Variants in RELL1 observed in about 807,000 individuals in gnomAD.
RELL1 encodes RELT like 1.
Under a neutral mutation model 23.0 loss-of-function variants are expected in RELL1, and 10 were observed. The observed-to-expected ratio is 0.43, with a 90% CI of 0.27 to 0.74. The LOEUF (loss-of-function observed/expected upper bound fraction) is 0.74, where lower values mean the gene tolerates loss of function less well. Among genes scored for constraint, RELL1 ranks in the 30% least tolerant of loss-of-function variants. The probability of loss-of-function intolerance (pLI) is 0.19; values close to 1 mark genes in which losing one functional copy is unlikely to be tolerated. For missense variants in RELL1, 315 were observed against 364.4 expected (o/e 0.86, Z 1.10); for synonymous variants, 146 against 146.8 (o/e 0.99, Z 0.04).
intron 5 of RELL1, among the ~76,000 whole-genome samples, chr4:37,631,880 G>A (rs1316824770): frequency 6.6e-6 from 1 of 151,910 alleles, no homozygotes. Context: ...AGGAATTTGA[G>A]ACCAGACTGG....
chr4:37,659,382 A>G (rs1020588892), intron 1 of RELL1, among the ~76,000 whole-genome samples: 2 of 152,230 alleles, frequency 1.3e-5, no homozygotes, highest in African/African-American at 4.8e-5. Context: ...CTAAAAAGTC[A>G]AAAGCAATTT....
downstream of RELL1, chr4:37,588,921 T>A (rs981926392): frequency 1.6e-5 from 26 of 1,595,888 alleles, no homozygotes; most frequent in Non-Finnish European, 1.8e-5. Flanking sequence ...GAAATACTAC[T>A]TCTAAATGGA....
At chr4:37,603,721 T>C (rs1034779555) in intron 6 of RELL1, among the ~76,000 whole-genome samples, 1 of 152,124 alleles carries the variant, frequency 6.6e-6, no homozygotes, top group Non-Finnish European at 1.5e-5. Flanking sequence ...TGGTGGAGAC[T>C]ATATTTCCTG....
rs75522699 is a variant in RELL1 at position 37,623,137 on chromosome 4, A to C, written c.*3+8248T>G. On this transcript the variant is annotated intron_variant, in intron 6 of 6. Coordinates refer to ENST00000454158, the MANE Select transcript of RELL1 (RefSeq NM_001085400.2). ...TTTTTAAAGATATAATTGTACCTCC[A>C]TTGATCTGAACTAGCAATCACAGCT... is the stretch of plus-strand genomic sequence containing the variant. 1,244 of 307,918 alleles carry C rather than the reference A, an allele frequency of 4.0e-3. 14 individuals are homozygous for C. Among genetic ancestry groups the C allele is most frequent in the African/African-American group, 0.026 (1,134 of 44,266 alleles). 19.1% of individuals were successfully genotyped at this position (307,918 alleles called of 1,614,324 possible).
intron 6 of RELL1, among the ~76,000 whole-genome samples, chr4:37,615,908 G>A (rs370895587): frequency 2.6e-5 from 4 of 151,950 alleles, no homozygotes; most frequent in Non-Finnish European, 4.4e-5. Flanking sequence ...ATGGGTCCAC[G>A]GAAGCTGCCA....
At chr4:37,598,042 A>G (rs549130456) in intron 6 of RELL1, among the ~76,000 whole-genome samples, 1 of 142,522 alleles carries the variant, frequency 7.0e-6, no homozygotes, top group Non-Finnish European at 1.5e-5. Flanking sequence ...ATATATACAC[A>G]TATATATAAA....
chr4:37,604,798 G>T (rs181778758), intron 6 of RELL1, among the ~76,000 whole-genome samples: 1 of 116,346 alleles, frequency 8.6e-6, no homozygotes, highest in African/African-American at 3.4e-5. Context: ...CACACACACA[G>T]ACACACACAC....
chr4:37,682,721 G>A (rs938928272), intron 1 of RELL1, among the ~76,000 whole-genome samples: 2 of 152,184 alleles, frequency 1.3e-5, no homozygotes, highest in Non-Finnish European at 2.9e-5. Context: ...TTATGTGGAT[G>A]TACAGCTTCG....
intron 3 of RELL1, among the ~76,000 whole-genome samples, chr4:37,646,325 GA>G (rs2109279230): frequency 6.6e-6 from 1 of 152,308 alleles, no homozygotes; most frequent in African/African-American, 2.4e-5. Context: ...ATTTCAGGGT[GA>G]AAAAATACTA....
chr4:37,641,742 C>T (rs1720537735), intron 3 of RELL1, among the ~76,000 whole-genome samples: 2 of 152,196 alleles, frequency 1.3e-5, no homozygotes, highest in Admixed American at 1.3e-4. Context: ...TCTTCTGTCT[C>T]TCCCATCACT....
At chr4:37,679,012 A>G (rs1315850445) in intron 1 of RELL1, among the ~76,000 whole-genome samples, 1 of 152,158 alleles carries the variant, frequency 6.6e-6, no homozygotes, top group African/African-American at 2.4e-5. Flanking sequence ...TCAAGTAAAG[A>G]GAAGAAGCCG....
At position 37,611,844 on chromosome 4, in the gene RELL1, A is replaced by C. The variant is rs1047776062; in HGVS notation, c.*1502T>G. Among the ~76,000 whole-genome samples, 1 of 152,146 alleles carries C rather than the reference A, an allele frequency of 6.6e-6. No homozygotes were observed. The highest frequency in any genetic ancestry group is 2.4e-5 in the African/African-American group (1 of 41,430). ...AAAAACAGGAAATACACAAAGAAAA[A>C]CATGCCAGAGGTAGGTGCAGGCCCA... is the stretch of plus-strand genomic sequence containing the variant. On this transcript the variant is annotated 3_prime_UTR_variant, in exon 7 of 7. Transcript: ENST00000454158.
Position 37,638,466 on chromosome 4 carries a change from T to G in RELL1, c.424A>C (p.Ser142Arg). The change falls in exon 4 of 7, where the codon AGC becomes CGC. Residue 142 changes from serine to arginine, a missense_variant. Physicochemically the swap from Ser to Arg is moderately radical, Grantham distance 110. Coordinates refer to ENST00000454158, the MANE Select transcript of RELL1 (RefSeq NM_001085400.2). ...ACTCACCTTTCAGGATCATACAGGC[T>G]GTTATCTGCTACCATCGCCTTTAAG... The part of the protein sequence containing the change: ...DVLKAMVADN[S>R]LYDPESPVTP... The G allele has an allele frequency of 6.2e-7, 1 of 1,613,076 alleles. No individual in the cohort carries two copies. The highest frequency in any genetic ancestry group is 2.2e-5 in the East Asian group (1 of 44,872).
At chr4:37,604,344 C>T (rs1719094670) in intron 6 of RELL1, among the ~76,000 whole-genome samples, 1 of 149,770 alleles carries the variant, frequency 6.7e-6, no homozygotes, top group African/African-American at 2.5e-5. Context: ...CAAGTGACCC[C>T]TTTCAACTAT....
rs771732108 is a variant in RELL1, at chr4:37,686,307, C to G, written c.-20G>C. 20 of 1,488,402 alleles carry G rather than the reference C, an allele frequency of 1.3e-5. No individual in the cohort carries two copies. The highest frequency in any genetic ancestry group is 1.8e-5 in the Non-Finnish European group (20 of 1,123,326). 92.2% of individuals were successfully genotyped at this position (1,488,402 alleles called of 1,614,324 possible). ...AGCCATCGCCGCGTCGCTTCGCCCT[C>G]CTCCCCCAGGGCGCCGCGTCCCGCG... On this transcript the variant is annotated 5_prime_UTR_variant, in exon 1 of 7. Coordinates refer to ENST00000454158, the MANE Select transcript of RELL1 (RefSeq NM_001085400.2).
At chr4:37,635,343 C>T (rs933248396) in intron 4 of RELL1, among the ~76,000 whole-genome samples, 3 of 152,080 alleles carry the variant, frequency 2.0e-5, no homozygotes, top group Non-Finnish European at 4.4e-5. Context: ...ATATGATTCA[C>T]GGTCAGGCAC....
intron 6 of RELL1, among the ~76,000 whole-genome samples, chr4:37,594,253 C>G (rs749762723): frequency 4.6e-5 from 7 of 152,206 alleles, no homozygotes; most frequent in Admixed American, 1.3e-4. Context: ...GGTTGTCTAA[C>G]AGTGAGCTGT....
At chr4:37,685,322 A>T (rs1189463745) in intron 1 of RELL1, among the ~76,000 whole-genome samples, 1 of 151,882 alleles carries the variant, frequency 6.6e-6, no homozygotes, top group African/African-American at 2.4e-5. Flanking sequence ...AGTAACCCCA[A>T]ATGGCCAAGT....
intron 1 of RELL1, among the ~76,000 whole-genome samples, chr4:37,653,454 A>T (rs1721022094): frequency 6.7e-6 from 1 of 149,858 alleles, no homozygotes; most frequent in Non-Finnish European, 1.5e-5. Context: ...ACTCAATACA[A>T]GTATTGAGTA....
Sources: allele counts gnomAD v4.1 joint callset (sites outside exome capture counted in the v4.1 genomes callset), GRCh38; gene constraint gnomAD v4.1.1; transcripts MANE v1.5; gene names NCBI Gene and HGNC (gene_info 2026-07-23, HGNC 2026-07-21).